Variants in CACNA2D3 observed in about 807,000 individuals in gnomAD.
CACNA2D3 encodes the protein calcium voltage-gated channel auxiliary subunit alpha2delta 3.
Under a neutral mutation model 160.6 loss-of-function variants are expected in CACNA2D3, and 60 were observed. The observed-to-expected ratio is 0.37, with a 90% confidence interval of 0.30 to 0.46. CACNA2D3 has a LOEUF of 0.46. Ranked by LOEUF, CACNA2D3 falls within the 20% of genes least tolerant of loss-of-function variation. The pLI is 1.00. For missense variants in CACNA2D3, 1,205 were observed against 1,365.0 expected (o/e 0.88, Z 1.85); for synonymous variants, 558 against 492.9 (o/e 1.13, Z -1.75).
intron 4 of CACNA2D3, among the ~76,000 whole-genome samples, chr3:54,388,215 G>A (rs1449299452): frequency 6.6e-6 from 1 of 152,178 alleles, no homozygotes; most frequent in Non-Finnish European, 1.5e-5. Flanking sequence ...AGGGAAGATG[G>A]CTACATGGAA....
rs898262707 is a variant in CACNA2D3 at position 54,750,894 on chromosome 3, C to T, written c.1168-1705C>T. ...AAGCAATTCTCCTGCCTCAGCCTCC[C>T]GAGTAGCTGGGACTACAGATGCATG... On this transcript the variant is annotated intron_variant, in intron 11 of 37. Coordinates refer to ENST00000474759, the MANE Select transcript of CACNA2D3 (RefSeq NM_018398.3). 3.9e-5 allele frequency among the ~76,000 whole-genome samples: 6 copies of T among 151,944 alleles called. No homozygotes were observed. The East Asian group carries it at 5.8e-4, about 15-fold the overall frequency.
chr3:54,349,678 T>C (rs1370782281), intron 3 of CACNA2D3, among the ~76,000 whole-genome samples: 1 of 152,224 alleles, frequency 6.6e-6, no homozygotes, highest in African/African-American at 2.4e-5. Flanking sequence ...CAAAGCTTCC[T>C]GAAAAATCAC....
chr3:54,746,043 G>A (rs867847874), intron 11 of CACNA2D3, among the ~76,000 whole-genome samples: 4 of 152,130 alleles, frequency 2.6e-5, no homozygotes, highest in Admixed American at 6.6e-5. Context: ...TTCTGGATAA[G>A]GATGTTTCTT....
intron 16 of CACNA2D3, 35 bp from the exon 17 acceptor site, chr3:54,846,358 G>A (rs770360458): frequency 1.1e-5 from 16 of 1,424,178 alleles, no homozygotes; most frequent in Admixed American, 9.2e-5. Context: ...CAGGGAGCAA[G>A]CTAATGAAGG....
At chr3:54,522,409 T>G (rs892045751) in intron 5 of CACNA2D3, among the ~76,000 whole-genome samples, 1 of 152,208 alleles carries the variant, frequency 6.6e-6, no homozygotes, top group African/African-American at 2.4e-5. Flanking sequence ...GTTTATTAGT[T>G]GTAATAGTTT....
intron 3 of CACNA2D3, among the ~76,000 whole-genome samples, chr3:54,341,943 G>A (rs1698360032): frequency 6.6e-6 from 1 of 151,980 alleles, no homozygotes; most frequent in South Asian, 2.1e-4. Context: ...GATCAGGCAT[G>A]GTTCTGATTT....
In CACNA2D3 at chr3:54,246,592, C is replaced by T. The variant is rs1329826377; in HGVS notation, c.205-73850C>T. Among the ~76,000 whole-genome samples, 3 of 149,386 alleles carry T rather than the reference C, an allele frequency of 2.0e-5. No individual in the cohort carries two copies. The East Asian group carries it at 6.4e-4, about 32-fold the overall frequency. ...TCTGTAATCCCAGCTACTTGGGAGGCGGCTGTCTGTAATCCCAGCTACTTG... is the reference window on the plus strand; with the variant it reads ...TCTGTAATCCCAGCTACTTGGGAGGTGGCTGTCTGTAATCCCAGCTACTTG... On this transcript the variant is annotated intron_variant, in intron 2 of 37. Coordinates refer to ENST00000474759, the MANE Select transcript of CACNA2D3 (RefSeq NM_018398.3).
In CACNA2D3 at chr3:54,547,990, A is replaced by G. The variant is rs11924042; in HGVS notation, c.545-14810A>G. Among the ~76,000 whole-genome samples, 1,183 of 152,280 alleles carry G rather than the reference A, an allele frequency of 7.8e-3. 10 individuals are homozygous for G. The highest frequency in any genetic ancestry group is 0.026 in the African/African-American group (1,080 of 41,558). On this transcript the variant is annotated intron_variant, in intron 5 of 37. Coordinates refer to ENST00000474759, the MANE Select transcript of CACNA2D3 (RefSeq NM_018398.3). ...ATTACAGGCATGAGCCACTGCACCC[A>G]GCCTAAAACCTCATTTTCTTTATAC... is the stretch of plus-strand genomic sequence containing the variant.
Position 54,336,114 on chromosome 3 carries a change from A to G in CACNA2D3, c.321+15556A>G, listed in dbSNP as rs531897625. 4.6e-5 allele frequency among the ~76,000 whole-genome samples: 7 copies of G among 151,318 alleles called. No homozygotes were observed. The South Asian group carries it at 1.5e-3, about 32-fold the overall frequency. On this transcript the variant is annotated intron_variant, in intron 3 of 37. Transcript: ENST00000474759. ...AGAAACTCTGCCTCCTCAGAATCCC[A>G]GGAGACTTGTCTGCAGGGCGGCCCC...
At chr3:54,204,467 A>G (rs1055676992) in intron 2 of CACNA2D3, among the ~76,000 whole-genome samples, 3 of 152,124 alleles carry the variant, frequency 2.0e-5, no homozygotes, top group Non-Finnish European at 2.9e-5. Context: ...TGAAAGAGAG[A>G]GGTGAAAACA....
At chr3:54,369,652 C>T (rs1014897711) in intron 3 of CACNA2D3, among the ~76,000 whole-genome samples, 1 of 152,188 alleles carries the variant, frequency 6.6e-6, no homozygotes. Context: ...CCTCCATTCC[C>T]CAAGGGCGTG....
At chr3:55,065,089 T>C (rs1456185524) in intron 35 of CACNA2D3, among the ~76,000 whole-genome samples, 1 of 152,220 alleles carries the variant, frequency 6.6e-6, no homozygotes, top group African/African-American at 2.4e-5. Flanking sequence ...CTAAGCATGA[T>C]GCTAAATTTG....
intron 3 of CACNA2D3, chr3:54,367,536 C>A (rs957569359): frequency 8.3e-5 from 26 of 313,504 alleles, no homozygotes; most frequent in African/African-American, 5.4e-4. Context: ...GAGTGCAGGG[C>A]TCATGAGGAA....
intron 4 of CACNA2D3, among the ~76,000 whole-genome samples, chr3:54,416,662 T>C (rs1699759199): frequency 6.6e-6 from 1 of 152,240 alleles, no homozygotes; most frequent in Non-Finnish European, 1.5e-5. Flanking sequence ...TTTCATATAC[T>C]GACAGGAGAC....
intron 12 of CACNA2D3, among the ~76,000 whole-genome samples, chr3:54,757,130 A>G (rs1701986338): frequency 6.6e-6 from 1 of 152,210 alleles, no homozygotes; most frequent in African/African-American, 2.4e-5. Flanking sequence ...GACCTTCTCT[A>G]ACATTCAGTA....
chr3:54,375,308 A>G (rs1698994362), intron 3 of CACNA2D3, among the ~76,000 whole-genome samples: 1 of 152,186 alleles, frequency 6.6e-6, no homozygotes, highest in African/African-American at 2.4e-5. Flanking sequence ...TAAACCTTAT[A>G]TTCCCAGATG....
intron 9 of CACNA2D3, among the ~76,000 whole-genome samples, chr3:54,606,688 G>A (rs1698633168): frequency 6.6e-6 from 1 of 152,156 alleles, no homozygotes; most frequent in Non-Finnish European, 1.5e-5. Context: ...ATTCCAGCCT[G>A]CATTTGTGGT....
chr3:54,424,467 T>A (rs1479770499), intron 4 of CACNA2D3, among the ~76,000 whole-genome samples: 1 of 152,262 alleles, frequency 6.6e-6, no homozygotes, highest in Non-Finnish European at 1.5e-5. Context: ...CCTCCTTTTG[T>A]GCCTGGATGT....
chr3:54,602,815 A>G (rs775461440), intron 9 of CACNA2D3, among the ~76,000 whole-genome samples: 2 of 152,126 alleles, frequency 1.3e-5, no homozygotes, highest in Non-Finnish European at 2.9e-5. Context: ...CCAGCATTCA[A>G]TTTGTTTCCA....
Sources: allele counts gnomAD v4.1 joint callset (sites outside exome capture counted in the v4.1 genomes callset), GRCh38; gene constraint gnomAD v4.1.1; transcripts MANE v1.5; gene names NCBI Gene and HGNC (gene_info 2026-07-23, HGNC 2026-07-21).